The following KHDRBS2 variants were observed in gnomAD, a reference collection of about 807,000 sequenced individuals.
KHDRBS2 encodes the protein KH RNA binding domain containing, signal transduction associated 2, also known as KH domain-containing, RNA-binding, signal transduction-associated protein 2.
Under a neutral mutation model 44.3 loss-of-function variants are expected in KHDRBS2, and 26 were observed. That is an observed-to-expected ratio of 0.59 (90% CI 0.43 to 0.81). KHDRBS2 has a LOEUF of 0.81. Among genes scored for constraint, KHDRBS2 ranks in the 40% least tolerant of loss-of-function variants. KHDRBS2 has a pLI of 0.00. For synonymous variants in KHDRBS2, 194 were observed against 151.1 expected (o/e 1.28, Z -2.08); for missense variants, 476 against 433.1 (o/e 1.10, Z -0.88).
intron 3 of KHDRBS2, among the ~76,000 whole-genome samples, chr6:62,005,024 C>A (rs1778958069): frequency 6.6e-6 from 1 of 151,880 alleles, no homozygotes; most frequent in East Asian, 1.9e-4. Context: ...ATTGAGAATC[C>A]TAGTTGTCTT....
intron 4 of KHDRBS2, among the ~76,000 whole-genome samples, chr6:61,960,699 A>G (rs1286115547): frequency 2.6e-5 from 4 of 152,174 alleles, no homozygotes; most frequent in African/African-American, 9.6e-5. Context: ...AAGCATTTTA[A>G]CAAATTTCCT....
chr6:61,957,532 T>C (rs1325101981), intron 4 of KHDRBS2, among the ~76,000 whole-genome samples: 1 of 152,116 alleles, frequency 6.6e-6, no homozygotes, highest in Admixed American at 6.6e-5. Flanking sequence ...TTTACGGTCA[T>C]AGCTGTGGGA....
intron 7 of KHDRBS2, among the ~76,000 whole-genome samples, 183 bp from the exon 8 acceptor site, chr6:61,697,436 A>AT (rs145743899): frequency 0.025 from 3,798 of 152,024 alleles, 64 homozygotes; most frequent in Non-Finnish European, 0.038. Context: ...GAGTGCTATG[A>AT]TTTTTTTTAA....
chr6:61,559,149 T>C, the KHDRBS2 span, among the ~76,000 whole-genome samples: 1 of 152,186 alleles, frequency 6.6e-6, no homozygotes, highest in Non-Finnish European at 1.5e-5. Context: ...GCTGAATTGA[T>C]TTTTTATCAT....
intron 2 of KHDRBS2, among the ~76,000 whole-genome samples, chr6:62,095,458 T>TAC (rs978197877): frequency 6.6e-6 from 1 of 151,864 alleles, no homozygotes; most frequent in Admixed American, 6.6e-5. Context: ...TACAACTGTC[T>TAC]ACAGTATTAA....
At chr6:61,942,909 G>A (rs1490063212) in intron 4 of KHDRBS2, among the ~76,000 whole-genome samples, 2 of 148,742 alleles carry the variant, frequency 1.3e-5, no homozygotes, top group African/African-American at 4.9e-5. Flanking sequence ...TGAGAGAATG[G>A]GAAGATATGT....
intron 2 of KHDRBS2, among the ~76,000 whole-genome samples, chr6:62,093,817 G>T (rs1192003820): frequency 1.3e-5 from 2 of 149,920 alleles, no homozygotes; most frequent in South Asian, 4.2e-4. Context: ...CAAATGACAA[G>T]ATTTCATTCT....
intron 4 of KHDRBS2, among the ~76,000 whole-genome samples, chr6:61,929,999 A>T (rs964080242): frequency 6.6e-6 from 1 of 152,142 alleles, no homozygotes; most frequent in African/African-American, 2.4e-5. Context: ...ATTAAGATGT[A>T]AGGCCTTAAA....
intron 6 of KHDRBS2, among the ~76,000 whole-genome samples, chr6:61,745,959 T>C (rs1776798483): frequency 6.6e-6 from 1 of 152,204 alleles, no homozygotes; most frequent in African/African-American, 2.4e-5. Flanking sequence ...CTTACATTTC[T>C]TTAGAACTTG....
chr6:61,795,144 C>T (rs1255805860), intron 6 of KHDRBS2, among the ~76,000 whole-genome samples: 68 of 59,548 alleles, frequency 1.1e-3, no homozygotes, highest in African/African-American at 1.4e-3. Flanking sequence ...GACTCCGTCT[C>T]AAAAAAAAAA....
At chr6:61,750,387 A>G (rs112095413) in intron 6 of KHDRBS2, among the ~76,000 whole-genome samples, 74 of 152,292 alleles carry the variant, frequency 4.9e-4, no homozygotes, top group Non-Finnish European at 8.7e-4. Flanking sequence ...AGGCCAGCCT[A>G]TGGGGTTCAG....
At chr6:62,153,390 T>C (rs948009256) in intron 2 of KHDRBS2, among the ~76,000 whole-genome samples, 1 of 152,232 alleles carries the variant, frequency 6.6e-6, no homozygotes, top group African/African-American at 2.4e-5. Context: ...CAAGCATATT[T>C]CATCTCAAAT....
chr6:61,934,551 T>C (rs1379020249), intron 4 of KHDRBS2, among the ~76,000 whole-genome samples: 1 of 152,220 alleles, frequency 6.6e-6, no homozygotes, highest in Non-Finnish European at 1.5e-5. Context: ...ATCTTTTCAC[T>C]ATGAATTGTA....
rs147696940 is a variant in KHDRBS2, at chr6:62,251,114, C to T, written c.91+34744G>A. On this transcript the variant is annotated intron_variant, in intron 1 of 8. Transcript: ENST00000281156. ...TAGATAATACACACTGACCTACTTA[C>T]GGGCAAAGAATCATGATGTATATAA... is the stretch of plus-strand genomic sequence containing the variant. Among the ~76,000 whole-genome samples, 389 of 151,784 alleles carry T rather than the reference C, an allele frequency of 2.6e-3. 3 individuals are homozygous for T. The highest frequency in any genetic ancestry group is 8.5e-3 in the African/African-American group (354 of 41,442).
At chr6:61,834,885 T>G (rs1299737483) in intron 6 of KHDRBS2, among the ~76,000 whole-genome samples, 1 of 152,096 alleles carries the variant, frequency 6.6e-6, no homozygotes, top group East Asian at 1.9e-4. Flanking sequence ...GTCGTAAATT[T>G]CTTGAATACA....
At chr6:62,279,054 A>G (rs1436365130) in intron 1 of KHDRBS2, among the ~76,000 whole-genome samples, 1 of 152,144 alleles carries the variant, frequency 6.6e-6, no homozygotes, top group Non-Finnish European at 1.5e-5. Flanking sequence ...AGATTGTGCC[A>G]CTGCACTCCA....
intron 2 of KHDRBS2, among the ~76,000 whole-genome samples, chr6:62,151,164 G>A (rs557340138): frequency 3.9e-5 from 6 of 152,218 alleles, no homozygotes; most frequent in Non-Finnish European, 7.4e-5. Flanking sequence ...ATGAATTGCC[G>A]AGATATTTAA....
At chr6:61,760,907 T>C (rs1779176243) in intron 6 of KHDRBS2, among the ~76,000 whole-genome samples, 1 of 152,224 alleles carries the variant, frequency 6.6e-6, no homozygotes, top group Admixed American at 6.5e-5. Flanking sequence ...TTTGAAATTT[T>C]CTTCTATAGT....
intron 2 of KHDRBS2, among the ~76,000 whole-genome samples, chr6:62,049,067 A>G (rs1375912108): frequency 2.0e-5 from 3 of 151,824 alleles, no homozygotes; most frequent in African/African-American, 4.8e-5. Context: ...TTTTTTCCCA[A>G]GTCCAGAATA....
Sources: allele counts gnomAD v4.1 joint callset (sites outside exome capture counted in the v4.1 genomes callset), GRCh38; gene constraint gnomAD v4.1.1; transcripts MANE v1.5; gene names NCBI Gene and HGNC (gene_info 2026-07-23, HGNC 2026-07-21).